The following NPAS2 variants were observed in gnomAD, a reference collection of about 807,000 sequenced individuals.
The protein encoded by NPAS2 is neuronal PAS domain protein 2.
In NPAS2, 23 loss-of-function variants were observed where a neutral mutation model predicts 107.5. The ratio of observed to expected loss-of-function variants is 0.21; its 90% confidence interval spans 0.15 to 0.30. NPAS2 has a LOEUF of 0.30. NPAS2 is among the 10% of genes least tolerant of loss of function. The probability of loss-of-function intolerance (pLI) is 1.00; values close to 1 mark genes in which losing one functional copy is unlikely to be tolerated. For missense variants in NPAS2, 756 were observed against 1,043.3 expected, an observed-to-expected ratio of 0.72 and a Z score of 3.79; for synonymous variants, 403 against 417.5, an observed-to-expected ratio of 0.97 and a Z score of 0.42.
intron 1 of NPAS2, chr2:100,821,299 CAA>C: frequency 9.4e-7 from 1 of 1,063,584 alleles, no homozygotes; most frequent in Non-Finnish European, 1.3e-6. Flanking sequence ...CGCACTTCCA[CAA>C]AGTCTAAACA....
At chr2:100,825,720 C>T (rs562491668) in intron 1 of NPAS2, among the ~76,000 whole-genome samples, 25 of 152,248 alleles carry the variant, frequency 1.6e-4, no homozygotes, top group Admixed American at 1.5e-3. Flanking sequence ...TGAGGGTGGG[C>T]CACTGGGAGG....
chr2:100,821,749 A>G (rs1676086812), intron 1 of NPAS2, among the ~76,000 whole-genome samples: 5 of 152,290 alleles, frequency 3.3e-5, no homozygotes, highest in South Asian at 2.1e-4. Context: ...AAGCGCACAC[A>G]CTAGCTCCAT....
At chr2:100,822,813 G>A (rs1676155380) in intron 1 of NPAS2, 1 of 152,168 alleles carries the variant, frequency 6.6e-6, no homozygotes, top group Non-Finnish European at 1.5e-5. Flanking sequence ...GTCAGATTTC[G>A]AGGTGTTGAA....
At chr2:100,872,401 C>T (rs533250938) in intron 1 of NPAS2, among the ~76,000 whole-genome samples, 15 of 152,240 alleles carry the variant, frequency 9.9e-5, no homozygotes, top group African/African-American at 3.1e-4. Flanking sequence ...CCTAGGAAGC[C>T]GTCAAATGTA....
Position 100,965,735 on chromosome 2 carries a change from C to T in NPAS2, c.876C>T (p.Asp292=), listed in dbSNP as rs1298788401. 1 of 1,613,962 alleles carries T rather than the reference C, an allele frequency of 6.2e-7. No homozygotes were observed. The highest frequency in any genetic ancestry group is 8.5e-7 in the Non-Finnish European group (1 of 1,179,880). The change falls in exon 10 of 21, where the codon GAC becomes GAT. Residue 292 remains aspartate (D), a synonymous_variant. Transcript: ENST00000335681. This position sits in a 1 kb window ranked among gnomAD's most constrained non-coding sequence, Gnocchi z 4.3. ...GCTATGACTACTACCACATTGATGA[C>T]CTGGAGCTCCTGGCCAGGTGTCACC... is the stretch of plus-strand genomic sequence containing the variant. ...TSGYDYYHID[D]LELLARCHQH...
chr2:100,826,800 C>A (rs1475031043), intron 1 of NPAS2, among the ~76,000 whole-genome samples: 1 of 152,132 alleles, frequency 6.6e-6, no homozygotes, highest in Non-Finnish European at 1.5e-5. Context: ...GTTAACCTCC[C>A]CATCTACAGT....
chr2:100,864,071 TAGTGAGCTATC>T (rs1219331192), intron 1 of NPAS2, among the ~76,000 whole-genome samples: 4 of 152,178 alleles, frequency 2.6e-5, no homozygotes, highest in Non-Finnish European at 5.9e-5. Context: ...ATGGGATGTG[TAGTGAGCTATC>T]AGTAGCTAGA....
At chr2:100,822,801 A>C (rs914398626) in intron 1 of NPAS2, 7 of 152,170 alleles carry the variant, frequency 4.6e-5, no homozygotes. Context: ...TTCCCAAGAG[A>C]GGTCAGATTT....
intron 5 of NPAS2, among the ~76,000 whole-genome samples, chr2:100,938,567 C>CCCCCCCCTT (rs1684488053): frequency 2.8e-5 from 4 of 144,466 alleles, no homozygotes; most frequent in African/African-American, 5.1e-5. Flanking sequence ...CCTTCCCTCC[C>CCCCCCCCTT]TCCCCCCTTT....
intron 2 of NPAS2, among the ~76,000 whole-genome samples, chr2:100,919,307 G>A (rs1179889855): frequency 1.3e-5 from 2 of 152,086 alleles, no homozygotes; most frequent in African/African-American, 4.8e-5. Flanking sequence ...TTATACATGT[G>A]CTAAAACGTA....
chr2:100,835,315 T>C (rs922015023), intron 1 of NPAS2, among the ~76,000 whole-genome samples: 1 of 152,232 alleles, frequency 6.6e-6, no homozygotes. Flanking sequence ...TTCTGAAATG[T>C]TGCTTTGAAG....
intron 1 of NPAS2, among the ~76,000 whole-genome samples, chr2:100,841,017 A>T (rs576681951): frequency 6.6e-6 from 1 of 152,216 alleles, no homozygotes; most frequent in Admixed American, 6.5e-5. Context: ...TCCTCTGTAC[A>T]GTGGGGATAA....
intron 10 of NPAS2, among the ~76,000 whole-genome samples, chr2:100,966,669 C>T (rs1676233350): frequency 6.7e-6 from 1 of 150,096 alleles, no homozygotes; most frequent in Non-Finnish European, 1.5e-5. Context: ...TCTCGGCTCA[C>T]TGCAAGCTTC....
chr2:100,913,176 G>A (rs1682659155), intron 2 of NPAS2, among the ~76,000 whole-genome samples: 1 of 152,082 alleles, frequency 6.6e-6, no homozygotes, highest in African/African-American at 2.4e-5. Context: ...GACCCTCCAA[G>A]GGCAAGAAGT....
chr2:100,996,100 C>T lies in NPAS2; in HGVS notation c.*518C>T. On this transcript the variant is annotated 3_prime_UTR_variant, in exon 21 of 21. Coordinates refer to ENST00000335681, the MANE Select transcript of NPAS2 (RefSeq NM_002518.4). ...TTGCACAGCTACACAGAGGAAATAA[C>T]TTAGGCACTTTCTGTTTTTTTTAAA... is the stretch of plus-strand genomic sequence containing the variant. 1 of 552,056 alleles carries T rather than the reference C, an allele frequency of 1.8e-6. No homozygotes were observed. The highest frequency in any genetic ancestry group is 2.6e-6 in the Non-Finnish European group (1 of 391,844). 34.2% of individuals were successfully genotyped at this position (552,056 alleles called of 1,614,324 possible).
Position 100,820,995 on chromosome 2 carries a change from C to A in NPAS2, c.-23+581C>A. On this transcript the variant is annotated intron_variant, in intron 1 of 20. Coordinates refer to ENST00000335681, the MANE Select transcript of NPAS2 (RefSeq NM_002518.4). The surrounding 1 kb of genome is among the most constrained non-coding windows in gnomAD (Gnocchi z 5.6). ...CTGGCTCCTCACGTCGCTGCCGCCC[C>A]CCCACCCCAACTCCGGAGCTCCCCA... 7.8e-7 allele frequency: 1 copy of A among 1,280,500 alleles called. No homozygotes were observed. The highest frequency in any genetic ancestry group is 1.3e-5 in the South Asian group (1 of 77,466). The allele number at this position is 1,280,500 out of a possible 1,614,324, so 79.3% of individuals were successfully genotyped here. A position where few individuals can be genotyped will look rare whatever the true frequency, so the allele number is the denominator to read the frequency against.
intron 5 of NPAS2, among the ~76,000 whole-genome samples, chr2:100,944,612 G>T (rs750353400): frequency 1.3e-5 from 2 of 152,170 alleles, no homozygotes; most frequent in Non-Finnish European, 2.9e-5. Context: ...AAGCACTAGG[G>T]TTAAAAATTT....
intron 1 of NPAS2, among the ~76,000 whole-genome samples, chr2:100,822,223 C>A (rs959262141): frequency 1.3e-5 from 2 of 152,138 alleles, no homozygotes; most frequent in Admixed American, 6.5e-5. Context: ...AACGTTACCC[C>A]CAAAGAGTTA....
chr2:100,904,614 C>A, intron 1 of NPAS2, 119 bp from the exon 2 acceptor site: 1 of 709,544 alleles, frequency 1.4e-6, no homozygotes, highest in Non-Finnish European at 2.4e-6. Context: ...CCAGGACCAA[C>A]AAGTTTGAGA....
Sources: gnomAD v4.1 joint callset for allele counts (sites outside exome capture counted in the v4.1 genomes callset) on GRCh38, gnomAD v4.1.1 for gene constraint, Gnocchi (gnomAD v3.1) non-coding constraint, MANE v1.5 for transcripts, NCBI Gene and HGNC (gene_info 2026-07-23, HGNC 2026-07-21) for gene names.